Variants in TTC28 observed in about 807,000 individuals in gnomAD.
The protein encoded by TTC28 is tetratricopeptide repeat domain 28.
A neutral mutation model predicts 198.0 loss-of-function variants in TTC28; 61 were observed. That is an observed-to-expected ratio of 0.31 (90% CI 0.25 to 0.38). The LOEUF (loss-of-function observed/expected upper bound fraction) is 0.38. Ranked by LOEUF, TTC28 falls within the 10% of genes least tolerant of loss-of-function variation. The pLI is 1.00. For synonymous variants in TTC28, 1,171 were observed against 1,297.8 expected (o/e 0.90, Z 2.10); for missense variants, 2,678 against 3,164.0 (o/e 0.85, Z 3.69).
chr22:28,569,159 T>TAAAC (rs139057412), intron 2 of TTC28, among the ~76,000 whole-genome samples: 2 of 71,894 alleles, frequency 2.8e-5, no homozygotes, highest in East Asian at 7.4e-4. Context: ...CTCAAATAAA[T>TAAAC]AAATAAATAA....
chr22:28,242,849 A>ATGTC (rs1929758484), intron 5 of TTC28, among the ~76,000 whole-genome samples: 17 of 152,060 alleles, frequency 1.1e-4, no homozygotes, highest in Admixed American at 8.5e-4. Flanking sequence ...ATGACACGTT[A>ATGTC]AAATTAAATT....
chr22:28,589,516 T>C (rs2050385019), intron 2 of TTC28, among the ~76,000 whole-genome samples: 1 of 152,212 alleles, frequency 6.6e-6, no homozygotes, highest in South Asian at 2.1e-4. Flanking sequence ...TTCTGCTTTC[T>C]TCAGCCTTTT....
At chr22:28,529,035 G>A (rs1484493086) in intron 2 of TTC28, among the ~76,000 whole-genome samples, 2 of 152,156 alleles carry the variant, frequency 1.3e-5, no homozygotes, top group East Asian at 1.9e-4. Context: ...TTCCAACTGA[G>A]GTACCAGGTT....
chr22:28,067,949 G>A (rs1480823927), intron 12 of TTC28, among the ~76,000 whole-genome samples: 1 of 152,132 alleles, frequency 6.6e-6, no homozygotes, highest in Non-Finnish European at 1.5e-5. Context: ...TGTAAAAGTT[G>A]AGTAGACCAG....
chr22:28,146,469 T>C lies in TTC28; in HGVS notation c.1441+16623A>G, dbSNP rs145324090. Reference sequence around the variant, plus strand: ...GTACCAGGAGTTGTCAAGGCAGACATGCCAGCTCGCCGGATGGTGCCACAA... The same window carrying C: ...GTACCAGGAGTTGTCAAGGCAGACACGCCAGCTCGCCGGATGGTGCCACAA... On this transcript the variant is annotated intron_variant, in intron 6 of 22. Transcript: ENST00000397906. Among the ~76,000 whole-genome samples the C allele has an allele frequency of 1.2e-3, 187 of 152,342 alleles. 1 individual carries two copies. In the East Asian group the frequency reaches 0.033, roughly 27 times the overall value.
chr22:28,242,062 G>T (rs1426976863), intron 5 of TTC28, among the ~76,000 whole-genome samples: 1 of 152,144 alleles, frequency 6.6e-6, no homozygotes, highest in Non-Finnish European at 1.5e-5. Context: ...AGAAGCATTG[G>T]TAAGTAAAAT....
intron 12 of TTC28, among the ~76,000 whole-genome samples, chr22:28,081,550 T>G (rs937018088): frequency 1.3e-5 from 2 of 151,230 alleles, no homozygotes; most frequent in Non-Finnish European, 2.9e-5. Context: ...TGGAGTGCAG[T>G]GACGCGATCT....
intron 6 of TTC28, among the ~76,000 whole-genome samples, chr22:28,115,147 G>T (rs140432045): frequency 1.3e-5 from 2 of 151,996 alleles, no homozygotes; most frequent in East Asian, 3.9e-4. Context: ...AGAAGTCCAT[G>T]CTCCATGCTT....
chr22:28,331,564 C>T (rs570551975), intron 2 of TTC28, among the ~76,000 whole-genome samples: 2 of 152,204 alleles, frequency 1.3e-5, no homozygotes, highest in African/African-American at 4.8e-5. Flanking sequence ...AATACAGATA[C>T]ATAATCTATC....
chr22:27,998,341 G>A, intron 16 of TTC28, 199 bp downstream of exon 16: 1 of 873,672 alleles, frequency 1.1e-6, no homozygotes, highest in Non-Finnish European at 1.7e-6. Flanking sequence ...GTTGCTCCCT[G>A]GTCCAAAGAT....
At chr22:28,487,261 C>T (rs1443439792) in intron 2 of TTC28, among the ~76,000 whole-genome samples, 1 of 151,532 alleles carries the variant, frequency 6.6e-6, no homozygotes, top group African/African-American at 2.4e-5. Context: ...AATAAATTAT[C>T]TTTGTTTTTA....
intron 2 of TTC28, among the ~76,000 whole-genome samples, chr22:28,489,055 G>A (rs1466113153): frequency 3.3e-5 from 5 of 152,080 alleles, no homozygotes; most frequent in East Asian, 1.9e-4. Context: ...AGGCTGGGGG[G>A]AAAGGAATGC....
chr22:28,094,096 C>T lies in TTC28; in HGVS notation c.3916G>A (p.Glu1306Lys). 6.5e-7 allele frequency: 1 copy of T among 1,547,924 alleles called. No homozygotes were observed. The highest frequency in any genetic ancestry group is 1.7e-4 in the Middle Eastern group (1 of 5,954). The change falls in exon 12 of 23, where the codon GAG (glutamate) becomes AAG (lysine). Residue 1306 changes from glutamate to lysine, a missense_variant. Physicochemically the swap from Glu to Lys is moderately conservative, Grantham distance 56 (BLOSUM62 1). Coordinates refer to ENST00000397906, the MANE Select transcript of TTC28 (RefSeq NM_001145418.2). The stretch of plus-strand genomic sequence containing the variant: ...ACTACCTACCTTGAGTAGTGAGACT[C>T]CACCCCCAGGGCCTCCCGGACACTG... ...IASVREALGV[E>K]SHYSRACASS... is the part of the protein sequence containing the mutation.
chr22:28,506,513 C>T (rs1487726266), intron 2 of TTC28, among the ~76,000 whole-genome samples: 1 of 152,136 alleles, frequency 6.6e-6, no homozygotes, highest in Admixed American at 6.5e-5. Context: ...ACATTCTGGA[C>T]AAGGAAAGGT....
At chr22:28,365,727 T>G (rs2046236686) in intron 2 of TTC28, among the ~76,000 whole-genome samples, 1 of 152,250 alleles carries the variant, frequency 6.6e-6, no homozygotes, top group South Asian at 2.1e-4. Flanking sequence ...TATTTGTCTG[T>G]GTATTACTTC....
chr22:28,190,347 C>T (rs1180679909), intron 5 of TTC28, among the ~76,000 whole-genome samples: 1 of 152,158 alleles, frequency 6.6e-6, no homozygotes, highest in East Asian at 1.9e-4. Context: ...TGCCCAAGGC[C>T]ATCCAATTAG....
intron 2 of TTC28, among the ~76,000 whole-genome samples, chr22:28,413,135 G>C (rs1363286234): frequency 6.6e-6 from 1 of 152,118 alleles, no homozygotes; most frequent in Non-Finnish European, 1.5e-5. Flanking sequence ...TTTCAGATTA[G>C]AAACTTTCTA....
chr22:28,620,247 G>A (rs532529330), intron 2 of TTC28, among the ~76,000 whole-genome samples: 1 of 152,170 alleles, frequency 6.6e-6, no homozygotes, highest in South Asian at 2.1e-4. Context: ...CTACTCAGGA[G>A]GCTGGGGCAG....
chr22:28,522,884 G>A (rs1448835711), intron 2 of TTC28, among the ~76,000 whole-genome samples: 3 of 152,110 alleles, frequency 2.0e-5, no homozygotes, highest in Non-Finnish European at 4.4e-5. Flanking sequence ...AGGCAGGGGA[G>A]AGGGAGAATG....
Sources: gnomAD v4.1 joint callset for allele counts (sites outside exome capture counted in the v4.1 genomes callset) on GRCh38, gnomAD v4.1.1 for gene constraint, MANE v1.5 for transcripts, NCBI Gene and HGNC (gene_info 2026-07-23, HGNC 2026-07-21) for gene names.